The following TSC22D1 variants were observed in gnomAD, a reference collection of about 807,000 sequenced individuals.
TSC22D1 encodes TSC22 domain family member 1, also known as TSC22 domain family protein 1.
TSC22D1 carries 9 observed loss-of-function variants against 74.2 expected under a neutral mutation model. The observed-to-expected ratio is 0.12, with a 90% confidence interval of 0.07 to 0.21. The LOEUF is 0.21. Among genes scored for constraint, TSC22D1 ranks in the 10% least tolerant of loss-of-function variants. The probability of loss-of-function intolerance (pLI) is 1.00; values close to 1 mark genes in which losing one functional copy is unlikely to be tolerated. For missense variants in TSC22D1, 1,427 were observed against 1,304.7 expected, an observed-to-expected ratio of 1.09 and a Z score of -1.44; for synonymous variants, 586 against 492.5, an observed-to-expected ratio of 1.19 and a Z score of -2.51.
chr13:44,434,569 A>T lies in TSC22D1; in HGVS notation c.*57T>A. ...TGTGGAGGCAGATTCTCCCTAGCAC[A>T]TCTTCTCCGTCTGTTCAGTTCACAC... On this transcript the variant is annotated 3_prime_UTR_variant, in exon 3 of 3. Transcript: ENST00000458659. 2 of 1,492,438 alleles carry T rather than the reference A, an allele frequency of 1.3e-6. No homozygotes were observed. Among genetic ancestry groups the T allele is most frequent in the Non-Finnish European group, 1.8e-6 (2 of 1,123,804 alleles). The allele number at this position is 1,492,438 out of a possible 1,614,324, so 92.4% of individuals were successfully genotyped here.
intron 1 of TSC22D1, among the ~76,000 whole-genome samples, chr13:44,521,451 C>T (rs1292624414): frequency 6.6e-6 from 1 of 151,934 alleles, no homozygotes; most frequent in Admixed American, 6.6e-5. Flanking sequence ...CTCCTGGACT[C>T]CTCCCCTTCA....
chr13:44,526,026 C>T lies in TSC22D1; in HGVS notation c.2912+47137G>A, dbSNP rs548310578. ...CTGAGGCTGGAGAATCTCTTGAGACCGGGAAGTGGAGGTTGCAGTTAGCCA... is the reference window on the plus strand; with the variant it reads ...CTGAGGCTGGAGAATCTCTTGAGACTGGGAAGTGGAGGTTGCAGTTAGCCA... On this transcript the variant is annotated intron_variant, in intron 1 of 2. Transcript: ENST00000458659. Among the ~76,000 whole-genome samples the T allele has an allele frequency of 3.3e-5, 5 of 152,150 alleles. No individual in the cohort carries two copies. In the East Asian group the frequency reaches 5.8e-4, roughly 18 times the overall value.
chr13:44,454,339 A>T (rs1248933097), intron 1 of TSC22D1, among the ~76,000 whole-genome samples: 1 of 152,212 alleles, frequency 6.6e-6, no homozygotes, highest in Non-Finnish European at 1.5e-5. Flanking sequence ...TGGAACAGAA[A>T]GTATTTTTTT....
chr13:44,437,022 T>TGGGGTGGGCTGGCCTGGCGC (rs1874747576), intron 1 of TSC22D1: 5 of 930,522 alleles, frequency 5.4e-6, no homozygotes, highest in Non-Finnish European at 6.4e-6. Flanking sequence ...ATCCCGCTCG[T>TGGGGTGGGCTGGCCTGGCGC]GGGGTGGGCT....
chr13:44,444,808 T>G (rs937599241), intron 1 of TSC22D1, among the ~76,000 whole-genome samples: 4 of 152,116 alleles, frequency 2.6e-5, no homozygotes, highest in African/African-American at 9.7e-5. Flanking sequence ...AATTTAACAA[T>G]TTAAACAAAA....
At chr13:44,477,822 T>TA (rs1177327552) in intron 1 of TSC22D1, among the ~76,000 whole-genome samples, 1 of 152,012 alleles carries the variant, frequency 6.6e-6, no homozygotes, top group African/African-American at 2.4e-5. Context: ...TTTGTATTTT[T>TA]AGTAGAGACA....
chr13:44,489,876 G>A (rs1878621213), intron 1 of TSC22D1, among the ~76,000 whole-genome samples: 1 of 152,022 alleles, frequency 6.6e-6, no homozygotes, highest in African/African-American at 2.4e-5. Context: ...TTCAAAGACT[G>A]ACAGGGGTTA....
At chr13:44,449,986 G>C (rs1875989846) in intron 1 of TSC22D1, among the ~76,000 whole-genome samples, 1 of 152,146 alleles carries the variant, frequency 6.6e-6, no homozygotes, top group South Asian at 2.1e-4. Context: ...TTAGTGACTT[G>C]GGGGCAGTTG....
intron 1 of TSC22D1, among the ~76,000 whole-genome samples, chr13:44,504,494 T>C (rs1042272043): frequency 2.0e-5 from 3 of 151,716 alleles, no homozygotes; most frequent in Admixed American, 6.6e-5. Flanking sequence ...TTCCCAGCTA[T>C]TTGAGAGGCT....
Position 44,435,987 on chromosome 13 carries a change from A to G in TSC22D1, c.2964+57T>C. 2.0e-6 allele frequency: 3 copies of G among 1,519,950 alleles called. No individual in the cohort carries two copies. The South Asian group carries it at 3.5e-5, about 17-fold the overall frequency. 94.2% of individuals were successfully genotyped at this position (1,519,950 alleles called of 1,614,324 possible). ...TAGGGATGCACTGGTTCCACAAAAC[A>G]TCTTATTTTTGTGCTGTGCCCACAT... On this transcript the variant is annotated intron_variant, in intron 2 of 2. Transcript: ENST00000458659.
At chr13:44,466,016 T>A (rs1189747402) in intron 1 of TSC22D1, among the ~76,000 whole-genome samples, 2 of 150,164 alleles carry the variant, frequency 1.3e-5, no homozygotes, top group African/African-American at 2.4e-5. Flanking sequence ...AACTTTGCAA[T>A]TTTTAATTAG....
At chr13:44,513,153 C>G (rs946434500) in intron 1 of TSC22D1, among the ~76,000 whole-genome samples, 6 of 152,332 alleles carry the variant, frequency 3.9e-5, no homozygotes, top group Admixed American at 2.0e-4. Flanking sequence ...ATTGATCTCA[C>G]AGTACTCCTC....
intron 1 of TSC22D1, among the ~76,000 whole-genome samples, chr13:44,511,759 C>T (rs1879729516): frequency 6.6e-6 from 1 of 151,878 alleles, no homozygotes; most frequent in Admixed American, 6.6e-5. Flanking sequence ...CCAATGAATG[C>T]TTTTTAAAAC....
intron 1 of TSC22D1, among the ~76,000 whole-genome samples, chr13:44,521,445 T>C (rs967311247): frequency 6.6e-6 from 1 of 152,034 alleles, no homozygotes; most frequent in Non-Finnish European, 1.5e-5. Flanking sequence ...TCTGGCCTCC[T>C]GGACTCCTCC....
At chr13:44,510,483 A>T (rs1158236213) in intron 1 of TSC22D1, among the ~76,000 whole-genome samples, 1 of 152,226 alleles carries the variant, frequency 6.6e-6, no homozygotes, top group Non-Finnish European at 1.5e-5. Context: ...GTGTCTAAAA[A>T]GATTAATGCA....
chr13:44,560,110 T>C (rs1484253047), intron 1 of TSC22D1, among the ~76,000 whole-genome samples: 5 of 152,054 alleles, frequency 3.3e-5, no homozygotes, highest in Non-Finnish European at 7.4e-5. Context: ...GAAAAGTCAG[T>C]TTTCCTTGAT....
At chr13:44,435,969 G>A in intron 2 of TSC22D1, 75 bp downstream of exon 2, 1 of 1,366,128 alleles carries the variant, frequency 7.3e-7, no homozygotes, top group Non-Finnish European at 1.0e-6. Flanking sequence ...ACTTAGGGAT[G>A]CACTGGTTCC....
chr13:44,545,639 G>A (rs1480738263), intron 1 of TSC22D1, among the ~76,000 whole-genome samples: 1 of 151,414 alleles, frequency 6.6e-6, no homozygotes, highest in Non-Finnish European at 1.5e-5. Flanking sequence ...TAGGATCTTG[G>A]GTTGCGTTAC....
chr13:44,520,862 C>T (rs1880281277), intron 1 of TSC22D1, among the ~76,000 whole-genome samples: 2 of 152,158 alleles, frequency 1.3e-5, no homozygotes. Flanking sequence ...AAATGAGAAG[C>T]CCTTTATGTA....
Sources: gnomAD v4.1 joint callset for allele counts (sites outside exome capture counted in the v4.1 genomes callset) on GRCh38, gnomAD v4.1.1 for gene constraint, MANE v1.5 for transcripts, NCBI Gene and HGNC (gene_info 2026-07-23, HGNC 2026-07-21) for gene names.